Variants in SKAP1 observed in about 807,000 individuals in gnomAD.
SKAP1 encodes src kinase-associated phosphoprotein 1.
A neutral mutation model predicts 58.5 loss-of-function variants in SKAP1; 44 were observed. The ratio of observed to expected loss-of-function variants is 0.75; its 90% CI spans 0.59 to 0.97. The LOEUF (loss-of-function observed/expected upper bound fraction) is 0.97, where lower values mean the gene tolerates loss of function less well. Among genes scored for constraint, SKAP1 ranks in the 50% least tolerant of loss-of-function variants. The pLI is 0.00. For synonymous variants in SKAP1, 127 were observed against 149.7 expected (o/e 0.85, Z 1.11); for missense variants, 390 against 435.2 (o/e 0.90, Z 0.92).
intron 1 of SKAP1, among the ~76,000 whole-genome samples, chr17:48,429,496 G>A (rs1483978699): frequency 6.6e-6 from 1 of 152,210 alleles, no homozygotes; most frequent in Non-Finnish European, 1.5e-5. Context: ...CCCATACTGA[G>A]AATGAGCCTG....
At chr17:48,418,548 G>A (rs990924883) in intron 1 of SKAP1, among the ~76,000 whole-genome samples, 1 of 152,104 alleles carries the variant, frequency 6.6e-6, no homozygotes, top group African/African-American at 2.4e-5. Context: ...AAAGTATTTG[G>A]AGTTTAACAT....
chr17:48,412,351 T>C (rs2067675390), intron 1 of SKAP1, among the ~76,000 whole-genome samples: 1 of 152,222 alleles, frequency 6.6e-6, no homozygotes, highest in Non-Finnish European at 1.5e-5. Context: ...TTATATTCTC[T>C]ATATTTCTAA....
Position 48,288,007 on chromosome 17 carries a change from A to C in SKAP1, c.280+57898T>G, listed in dbSNP as rs1269816915. On this transcript the variant is annotated intron_variant, in intron 4 of 12. Transcript: ENST00000336915. ...ACTTGTGTTTTTTAAAAAAGAGAAA[A>C]ATTGGTAAAAACATGGACTGACTCA... Among the ~76,000 whole-genome samples the C allele has an allele frequency of 3.3e-5, 5 of 152,216 alleles. No homozygotes were observed. In the East Asian group the frequency reaches 7.7e-4, roughly 23 times the overall value.
chr17:48,142,707 C>T (rs936729641), intron 11 of SKAP1, among the ~76,000 whole-genome samples: 7 of 152,176 alleles, frequency 4.6e-5, no homozygotes, highest in Admixed American at 3.9e-4. Flanking sequence ...AGTGAGACTA[C>T]TGAGTTGATC....
Position 48,252,746 on chromosome 17 carries a change from GTGTGTGTGTA to G in SKAP1, c.281-63256_281-63247del, listed in dbSNP as rs778522421. 8.3e-3 allele frequency among the ~76,000 whole-genome samples: 1,240 copies of G among 150,044 alleles called. 7 individuals carry two copies. The highest frequency in any genetic ancestry group is 0.016 in the East Asian group (78 of 4,966). ...TGTGTGTGTGTGTGTGTGTGTGTGT[GTGTGTGTGTA>G]TGTGCTCATGTGTGTACAGATCCAG... is the stretch of plus-strand genomic sequence containing the variant. On this transcript the variant is annotated intron_variant, in intron 4 of 12. Coordinates refer to ENST00000336915, the MANE Select transcript of SKAP1 (RefSeq NM_003726.4).
chr17:48,355,516 A>G (rs900718230), intron 3 of SKAP1, among the ~76,000 whole-genome samples: 1 of 152,160 alleles, frequency 6.6e-6, no homozygotes, highest in African/African-American at 2.4e-5. Flanking sequence ...AGGCTCAAGC[A>G]ATCAGCCTCC....
At chr17:48,151,525 C>G (rs766991462) in intron 11 of SKAP1, among the ~76,000 whole-genome samples, 14 of 151,904 alleles carry the variant, frequency 9.2e-5, no homozygotes, top group Admixed American at 2.0e-4. Context: ...AGCCACATCA[C>G]AAAGAAAAAC....
intron 1 of SKAP1, among the ~76,000 whole-genome samples, chr17:48,417,928 G>A (rs1017080347): frequency 6.6e-6 from 1 of 151,932 alleles, no homozygotes; most frequent in African/African-American, 2.4e-5. Context: ...TATACACATA[G>A]ATAGATGGAT....
chr17:48,156,606 G>T, intron 11 of SKAP1: 1 of 286,992 alleles, frequency 3.5e-6, no homozygotes. Context: ...GATCTGCTTC[G>T]TTATTAAAAT....
At chr17:48,400,522 G>A (rs1314415424) in intron 1 of SKAP1, among the ~76,000 whole-genome samples, 1 of 152,028 alleles carries the variant, frequency 6.6e-6, no homozygotes, top group Non-Finnish European at 1.5e-5. Flanking sequence ...AGCACTTCGG[G>A]AGGCCAAGGC....
intron 4 of SKAP1, among the ~76,000 whole-genome samples, chr17:48,215,931 G>A (rs1175449349): frequency 1.3e-5 from 2 of 152,156 alleles, no homozygotes; most frequent in Non-Finnish European, 2.9e-5. Context: ...GAGCCTAACT[G>A]CAATCCTCCA....
chr17:48,287,809 A>T (rs974774427), intron 4 of SKAP1, among the ~76,000 whole-genome samples: 7 of 152,234 alleles, frequency 4.6e-5, no homozygotes, highest in Non-Finnish European at 4.4e-5. Context: ...ACACATATAT[A>T]CAAACGCAAG....
intron 4 of SKAP1, among the ~76,000 whole-genome samples, chr17:48,323,846 A>G (rs1373517026): frequency 6.6e-6 from 1 of 152,044 alleles, no homozygotes; most frequent in Non-Finnish European, 1.5e-5. Flanking sequence ...TGTTCCTAAC[A>G]CTGCTCCAGG....
chr17:48,327,354 G>A (rs916557859), intron 4 of SKAP1, among the ~76,000 whole-genome samples: 2 of 152,126 alleles, frequency 1.3e-5, no homozygotes, highest in African/African-American at 2.4e-5. Context: ...TGTCAGTTTC[G>A]CTACAGAAAG....
At chr17:48,335,933 G>A (rs1214494732) in intron 4 of SKAP1, among the ~76,000 whole-genome samples, 2 of 152,050 alleles carry the variant, frequency 1.3e-5, no homozygotes, top group Admixed American at 6.6e-5. Context: ...GTATGCGTAC[G>A]CACAGATACA....
intron 4 of SKAP1, among the ~76,000 whole-genome samples, chr17:48,315,722 A>G (rs2066278404): frequency 6.6e-6 from 1 of 152,204 alleles, no homozygotes; most frequent in African/African-American, 2.4e-5. Flanking sequence ...AAACTTTTTG[A>G]GCACTGATAT....
intron 4 of SKAP1, among the ~76,000 whole-genome samples, chr17:48,238,129 G>T (rs1467296847): frequency 6.6e-6 from 1 of 152,012 alleles, no homozygotes; most frequent in South Asian, 2.1e-4. Context: ...GAGTAGCTGG[G>T]ATTACAGGCG....
chr17:48,293,304 G>T (rs887651501), intron 4 of SKAP1, among the ~76,000 whole-genome samples: 3 of 152,120 alleles, frequency 2.0e-5, no homozygotes, highest in Non-Finnish European at 4.4e-5. Flanking sequence ...CCACAAAGAA[G>T]CTTGGAATGT....
chr17:48,181,064 T>A (rs1338513766), intron 8 of SKAP1, among the ~76,000 whole-genome samples: 1 of 152,120 alleles, frequency 6.6e-6, no homozygotes, highest in African/African-American at 2.4e-5. Flanking sequence ...GTGAGTGCAG[T>A]CAGCATACTC....
Sources: gnomAD v4.1 joint callset for allele counts (sites outside exome capture counted in the v4.1 genomes callset) on GRCh38, gnomAD v4.1.1 for gene constraint, MANE v1.5 for transcripts, NCBI Gene and HGNC (gene_info 2026-07-23, HGNC 2026-07-21) for gene names.